MCTP1: variants seen among roughly 807,000 people sequenced by gnomAD.
MCTP1 encodes the protein multiple C2 and transmembrane domain containing 1.
In MCTP1, 69 loss-of-function variants were observed where a neutral mutation model predicts 120.6. The ratio of observed to expected loss-of-function variants is 0.57; its 90% CI spans 0.47 to 0.70. The LOEUF is 0.70. Among genes scored for constraint, MCTP1 ranks in the 30% least tolerant of loss-of-function variants. The probability of loss-of-function intolerance (pLI) is 0.00; values close to 1 mark genes in which losing one functional copy is unlikely to be tolerated. For synonymous variants in MCTP1, 529 were observed against 493.1 expected (o/e 1.07, Z -0.96); for missense variants, 1,203 against 1,248.8 (o/e 0.96, Z 0.55).
At chr5:94,724,014 CTA>C (rs1189884229) in intron 19 of MCTP1, among the ~76,000 whole-genome samples, 1 of 151,994 alleles carries the variant, frequency 6.6e-6, no homozygotes, top group Non-Finnish European at 1.5e-5. Flanking sequence ...AGTTGACTGA[CTA>C]TGAGAAAGGG....
intron 1 of MCTP1, among the ~76,000 whole-genome samples, chr5:95,255,255 A>G (rs1424455893): frequency 6.6e-6 from 1 of 152,214 alleles, no homozygotes; most frequent in Non-Finnish European, 1.5e-5. Flanking sequence ...TCTTACTAAT[A>G]TTTGTATACC....
At chr5:94,781,214 C>A (rs1776512677) in intron 18 of MCTP1, among the ~76,000 whole-genome samples, 1 of 151,196 alleles carries the variant, frequency 6.6e-6, no homozygotes, top group Admixed American at 6.6e-5. Flanking sequence ...TATACTTTTA[C>A]TCCTGTGAAT....
intron 1 of MCTP1, among the ~76,000 whole-genome samples, chr5:95,179,081 C>T (rs904365469): frequency 6.6e-6 from 1 of 152,118 alleles, no homozygotes; most frequent in African/African-American, 2.4e-5. Flanking sequence ...GAAAGAACTT[C>T]AGAGCTCAAA....
intron 2 of MCTP1, chr5:94,979,302 T>C (rs1828873037): frequency 6.6e-6 from 1 of 152,132 alleles, no homozygotes; most frequent in African/African-American, 2.4e-5. Context: ...ATAGGGAGAC[T>C]GTAGGCAGAT....
intron 1 of MCTP1, among the ~76,000 whole-genome samples, chr5:95,276,090 G>A (rs947648706): frequency 1.3e-5 from 2 of 151,990 alleles, no homozygotes; most frequent in Non-Finnish European, 2.9e-5. Flanking sequence ...ACTTTCTGGA[G>A]GGAGGATTTG....
At chr5:94,942,733 C>T (rs1818036607) in intron 3 of MCTP1, among the ~76,000 whole-genome samples, 1 of 151,904 alleles carries the variant, frequency 6.6e-6, no homozygotes, top group African/African-American at 2.4e-5. Context: ...TAGAATTCAA[C>T]AAGTATGTCT....
At chr5:95,126,965 T>C (rs1758680291) in intron 1 of MCTP1, among the ~76,000 whole-genome samples, 1 of 152,218 alleles carries the variant, frequency 6.6e-6, no homozygotes, top group Non-Finnish European at 1.5e-5. Context: ...CCGATTTTTC[T>C]TTAACGATTC....
At position 94,997,511 on chromosome 5, in the gene MCTP1, C is replaced by T. The variant is rs151044984; in HGVS notation, c.838+19856G>A. Among the ~76,000 whole-genome samples the T allele has an allele frequency of 5.8e-3, 881 of 152,288 alleles. 4 individuals are homozygous for T. The highest frequency in any genetic ancestry group is 8.8e-3 in the Non-Finnish European group (600 of 68,016). The stretch of plus-strand genomic sequence containing the variant: ...TTGAGTTCATATTCTGTACAACTCA[C>T]GTGTACACACGTGCATGTAGTAAAT... On this transcript the variant is annotated intron_variant, in intron 2 of 22. Transcript: ENST00000515393.
Position 94,942,102 on chromosome 5 carries a change from T to C in MCTP1, c.1061+246A>G, listed in dbSNP as rs144107938. 5.5e-4 allele frequency among the ~76,000 whole-genome samples: 83 copies of C among 152,212 alleles called. 1 individual carries two copies. In the East Asian group the frequency reaches 0.015, roughly 28 times the overall value. The stretch of plus-strand genomic sequence containing the variant: ...TCTCGATTCCTGGTGCTTAGCACAG[T>C]ACTGGGGAACAGAGCAAGTAGGTAT... On this transcript the variant is annotated intron_variant, in intron 4 of 22. Coordinates refer to ENST00000515393, the MANE Select transcript of MCTP1 (RefSeq NM_024717.7).
rs73136081 is a variant in MCTP1, at chr5:94,967,320, T to C, written c.839-13959A>G. On this transcript the variant is annotated intron_variant, in intron 2 of 22. Transcript: ENST00000515393. ...CTTAGATCACTATAGCTAACATTTATTGAACACTTATTATATCAGCTATCA... is the reference window on the plus strand; with the variant it reads ...CTTAGATCACTATAGCTAACATTTACTGAACACTTATTATATCAGCTATCA... Among the ~76,000 whole-genome samples the C allele has an allele frequency of 8.5e-3, 1,295 of 152,326 alleles. 22 individuals carry two copies. Among genetic ancestry groups the C allele is most frequent in the African/African-American group, 0.03 (1,227 of 41,564 alleles).
intron 2 of MCTP1, among the ~76,000 whole-genome samples, chr5:94,971,962 T>C (rs1304392125): frequency 6.6e-6 from 1 of 152,160 alleles, no homozygotes; most frequent in Non-Finnish European, 1.5e-5. Context: ...CTGACATCTG[T>C]TCTTAAGATC....
intron 2 of MCTP1, among the ~76,000 whole-genome samples, chr5:94,960,045 C>A (rs1823733004): frequency 6.6e-6 from 1 of 152,198 alleles, no homozygotes. Context: ...GTAACCAAAA[C>A]AGCATGGTAC....
intron 2 of MCTP1, among the ~76,000 whole-genome samples, chr5:95,002,643 G>A (rs898089049): frequency 3.3e-5 from 5 of 152,208 alleles, no homozygotes; most frequent in Non-Finnish European, 7.3e-5. Context: ...TGGAACGGGA[G>A]TATTTCACCC....
intron 2 of MCTP1, among the ~76,000 whole-genome samples, chr5:94,971,851 T>C (rs1353019137): frequency 6.6e-6 from 1 of 152,152 alleles, no homozygotes; most frequent in Non-Finnish European, 1.5e-5. Context: ...CCATTTATAA[T>C]CACAGTTCAT....
intron 19 of MCTP1, among the ~76,000 whole-genome samples, chr5:94,751,426 G>A (rs1561573149): frequency 6.6e-6 from 1 of 151,284 alleles, no homozygotes; most frequent in Non-Finnish European, 1.5e-5. Flanking sequence ...GGGTGAGGAT[G>A]AGCATGAAGA....
At chr5:94,925,871 T>G (rs916133054) in intron 6 of MCTP1, among the ~76,000 whole-genome samples, 2 of 152,326 alleles carry the variant, frequency 1.3e-5, no homozygotes, top group Non-Finnish European at 2.9e-5. Context: ...AGTAGTAAGA[T>G]GCATTGGGAA....
intron 19 of MCTP1, among the ~76,000 whole-genome samples, chr5:94,777,332 C>T (rs1775592470): frequency 6.6e-6 from 1 of 152,138 alleles, no homozygotes. Context: ...GGGCATGTTC[C>T]ACTTGACATC....
intron 1 of MCTP1, among the ~76,000 whole-genome samples, chr5:95,042,473 CT>C (rs774065720): frequency 3.6e-4 from 55 of 152,306 alleles, no homozygotes; most frequent in Middle Eastern, 3.4e-3. Context: ...AACCAATAGC[CT>C]GATACATCAT....
At position 94,966,533 on chromosome 5, in the gene MCTP1, C is replaced by T. The variant is rs950724972; in HGVS notation, c.839-13172G>A. ...GTGGCTGGCCGGACGCGGTGGCTCACGTCTGTAATCCCAACACTTTGGGAA... is the reference window on the plus strand; with the variant it reads ...GTGGCTGGCCGGACGCGGTGGCTCATGTCTGTAATCCCAACACTTTGGGAA... On this transcript the variant is annotated intron_variant, in intron 2 of 22. Transcript: ENST00000515393. Among the ~76,000 whole-genome samples, 13 of 151,998 alleles carry T rather than the reference C, an allele frequency of 8.6e-5. No individual in the cohort carries two copies. In the East Asian group the frequency reaches 9.7e-4, roughly 11 times the overall value.
Sources: allele counts gnomAD v4.1 joint callset (sites outside exome capture counted in the v4.1 genomes callset), GRCh38; gene constraint gnomAD v4.1.1; transcripts MANE v1.5; gene names NCBI Gene and HGNC (gene_info 2026-07-23, HGNC 2026-07-21).